PCLO: variants seen among roughly 807,000 people sequenced by gnomAD.
PCLO encodes piccolo presynaptic cytomatrix protein, also known as protein piccolo.
Under a neutral mutation model 427.5 loss-of-function variants are expected in PCLO, and 82 were observed. That is an observed-to-expected ratio of 0.19 (90% CI 0.16 to 0.23). PCLO has a LOEUF of 0.23. Among genes scored for constraint, PCLO ranks in the 10% least tolerant of loss-of-function variants. The pLI, the probability that PCLO is intolerant of heterozygous loss-of-function variation, is 1.00. For synonymous variants in PCLO, 2,357 were observed against 2,155.4 expected, an observed-to-expected ratio of 1.09 and a Z score of -2.59; for missense variants, 6,239 against 6,115.9, an observed-to-expected ratio of 1.02 and a Z score of -0.67.
At chr7:82,968,598 CAATCTCTGCCGCCCGGGTTCAAGA>C (rs1460826135) in intron 3 of PCLO, among the ~76,000 whole-genome samples, 1 of 145,046 alleles carries the variant, frequency 6.9e-6, no homozygotes, top group Non-Finnish European at 1.5e-5. Context: ...TGGTTCACTG[CAATCTCTGCCGCCCGGGTTCAAGA>C]AATTCTCCTG....
At chr7:83,036,528 T>C (rs1341484362) in intron 3 of PCLO, among the ~76,000 whole-genome samples, 3 of 152,112 alleles carry the variant, frequency 2.0e-5, no homozygotes, top group Non-Finnish European at 4.4e-5. Context: ...CTGCTTTTCT[T>C]ATCGTAGAAG....
rs1406404572 is a variant in PCLO, at chr7:83,155,972, T to C, written c.669A>G (p.Gln223=). 6.2e-7 allele frequency: 1 copy of C among 1,613,872 alleles called. No homozygotes were observed. Among genetic ancestry groups the C allele is most frequent in the Admixed American group, 1.7e-5 (1 of 59,998 alleles). The change falls in exon 2 of 25, where the codon CAA becomes CAG. Residue 223 remains glutamine, a synonymous_variant. Coordinates refer to ENST00000333891, the MANE Select transcript of PCLO (RefSeq NM_033026.6). ...QQPPKPIPKQ[Q]GPGRDPLQQD... is the part of the protein sequence containing the mutation. Reference sequence around the variant, plus strand: ...GCTGAAGCGGATCCCTACCAGGTCCTTGCTGCTTAGGAATCGGCTTGGGTG... The same window carrying C: ...GCTGAAGCGGATCCCTACCAGGTCCCTGCTGCTTAGGAATCGGCTTGGGTG...
intron 2 of PCLO, among the ~76,000 whole-genome samples, chr7:83,141,364 C>T (rs1013788626): frequency 1.3e-5 from 2 of 152,218 alleles, no homozygotes; most frequent in African/African-American, 4.8e-5. Flanking sequence ...GCCATCTTTG[C>T]TTTCCCTATC....
At chr7:82,997,955 A>T (rs539618890) in intron 3 of PCLO, among the ~76,000 whole-genome samples, 7 of 152,056 alleles carry the variant, frequency 4.6e-5, no homozygotes, top group African/African-American at 1.7e-4. Context: ...ACTTCATTCT[A>T]ACAATAACCA....
chr7:82,767,423 A>G (rs923152687), intron 22 of PCLO, among the ~76,000 whole-genome samples: 1 of 152,112 alleles, frequency 6.6e-6, no homozygotes, highest in African/African-American at 2.4e-5. Context: ...GAGATGACAA[A>G]ATAATATATG....
At chr7:83,123,480 T>C (rs1283754393) in intron 3 of PCLO, among the ~76,000 whole-genome samples, 5 of 152,098 alleles carry the variant, frequency 3.3e-5, no homozygotes, top group Non-Finnish European at 7.4e-5. Flanking sequence ...TGAAATAAAA[T>C]TGATTAAAGA....
chr7:82,822,400 T>G, intron 20 of PCLO, 95 bp downstream of exon 20: 1 of 1,604,862 alleles, frequency 6.2e-7, no homozygotes, highest in South Asian at 1.1e-5. Flanking sequence ...CAGAGGATGT[T>G]GAAAACTGAA....
At chr7:82,974,532 T>A (rs935818601) in intron 3 of PCLO, among the ~76,000 whole-genome samples, 1 of 152,170 alleles carries the variant, frequency 6.6e-6, no homozygotes, top group Non-Finnish European at 1.5e-5. Flanking sequence ...TTTAGCTAAC[T>A]TTAGCGGAAA....
At chr7:82,760,360 T>C (rs1328138607) in intron 24 of PCLO, among the ~76,000 whole-genome samples, 1 of 151,694 alleles carries the variant, frequency 6.6e-6, no homozygotes, top group African/African-American at 2.4e-5. Flanking sequence ...ATAACAAAGA[T>C]GGGGGCCCAA....
At chr7:83,061,445 C>T in intron 3 of PCLO, among the ~76,000 whole-genome samples, 1 of 152,024 alleles carries the variant, frequency 6.6e-6, no homozygotes. Flanking sequence ...ATTACATCTG[C>T]CAAACATGTT....
At chr7:82,773,556 C>T (rs578155795) in intron 22 of PCLO, among the ~76,000 whole-genome samples, 1 of 152,234 alleles carries the variant, frequency 6.6e-6, no homozygotes, top group East Asian at 1.9e-4. Flanking sequence ...TTTATGCTTT[C>T]TTCAGAAGCA....
At chr7:83,116,521 A>G (rs1791137195) in intron 3 of PCLO, among the ~76,000 whole-genome samples, 2 of 152,170 alleles carry the variant, frequency 1.3e-5, no homozygotes, top group Non-Finnish European at 2.9e-5. Context: ...AAAAATTCAC[A>G]AGTTGTATGT....
At chr7:82,928,016 TA>T (rs1313357881) in intron 6 of PCLO, among the ~76,000 whole-genome samples, 3 of 152,216 alleles carry the variant, frequency 2.0e-5, no homozygotes, top group African/African-American at 4.8e-5. Flanking sequence ...TCTATGTGTG[TA>T]AAAGCAGTCC....
chr7:83,153,530 G>A (rs1792190645), intron 2 of PCLO, among the ~76,000 whole-genome samples: 1 of 152,090 alleles, frequency 6.6e-6, no homozygotes, highest in Non-Finnish European at 1.5e-5. Flanking sequence ...TCACGTCTCA[G>A]GGATATTTAA....
chr7:82,979,205 T>C (rs997823599), intron 3 of PCLO, among the ~76,000 whole-genome samples: 1 of 152,022 alleles, frequency 6.6e-6, no homozygotes, highest in African/African-American at 2.4e-5. Flanking sequence ...ACTTGGTTTG[T>C]GTTTCTTCAA....
chr7:82,814,507 T>C (rs1055988559), intron 20 of PCLO, among the ~76,000 whole-genome samples: 3 of 150,856 alleles, frequency 2.0e-5, no homozygotes, highest in African/African-American at 7.3e-5. Flanking sequence ...AATTTATAAA[T>C]TATAATTTAA....
rs571625871 is a variant in PCLO, at chr7:83,015,073, A to G, written c.3301-48586T>C. Among the ~76,000 whole-genome samples the G allele has an allele frequency of 3.3e-5, 5 of 152,252 alleles. No individual in the cohort carries two copies. The South Asian group carries it at 8.3e-4, about 25-fold the overall frequency. ...GGAAACTGAGGCACAGGGAGGTAAC[A>G]TTATTATTCAAGATGACACAGTCAG... On this transcript the variant is annotated intron_variant, in intron 3 of 24. Transcript: ENST00000333891.
At chr7:82,994,947 G>A (rs1478616591) in intron 3 of PCLO, among the ~76,000 whole-genome samples, 1 of 151,982 alleles carries the variant, frequency 6.6e-6, no homozygotes, top group Non-Finnish European at 1.5e-5. Context: ...GGATTTCTGG[G>A]TGGATTACTG....
intron 3 of PCLO, among the ~76,000 whole-genome samples, chr7:83,024,444 C>A (rs1193378825): frequency 1.3e-5 from 2 of 152,206 alleles, no homozygotes; most frequent in Non-Finnish European, 2.9e-5. Flanking sequence ...GCACGTGGCT[C>A]GGAGGGTCCT....
Sources: gnomAD v4.1 joint callset for allele counts (sites outside exome capture counted in the v4.1 genomes callset) on GRCh38, gnomAD v4.1.1 for gene constraint, MANE v1.5 for transcripts, NCBI Gene and HGNC (gene_info 2026-07-23, HGNC 2026-07-21) for gene names.